Variants in ZNF883 observed in about 807,000 individuals in gnomAD.
ZNF883 encodes the protein zinc finger protein 883.
downstream of ZNF883, among the ~76,000 whole-genome samples, chr9:112,995,522 CTCTT>C (rs1828343184): frequency 6.6e-6 from 1 of 151,682 alleles, no homozygotes; most frequent in African/African-American, 2.4e-5. Context: ...TCCTCTCTCT[CTCTT>C]TCCTACTTTC....
downstream of ZNF883, among the ~76,000 whole-genome samples, chr9:112,994,591 TC>T (rs1244338846): frequency 6.6e-6 from 1 of 152,212 alleles, no homozygotes; most frequent in Non-Finnish European, 1.5e-5. Flanking sequence ...TTCCAATTTT[TC>T]CCAATCAGTT....
chr9:113,006,439 G>A (rs1828477165), intron 2 of ZNF883, among the ~76,000 whole-genome samples: 1 of 152,162 alleles, frequency 6.6e-6, no homozygotes, highest in African/African-American at 2.4e-5. Context: ...TGCCTATGGA[G>A]TAGCCACCCT....
intron 1 of ZNF883, among the ~76,000 whole-genome samples, chr9:112,989,727 C>T (rs895379507): frequency 4.6e-5 from 7 of 152,136 alleles, no homozygotes; most frequent in South Asian, 2.1e-4. Flanking sequence ...GCCATTTTCA[C>T]GATATTGATT....
At chr9:112,995,808 A>G (rs74943821), downstream of ZNF883, among the ~76,000 whole-genome samples, 193 of 152,232 alleles carry the variant, frequency 1.3e-3, 9 homozygotes, top group East Asian at 0.034. Flanking sequence ...AGATTTCCTA[A>G]TGATTGACTT....
upstream of ZNF883, among the ~76,000 whole-genome samples, chr9:113,002,846 T>TA (rs1256284347): frequency 6.6e-6 from 1 of 152,112 alleles, no homozygotes; most frequent in East Asian, 1.9e-4. Flanking sequence ...AAGGACCTTA[T>TA]AAAAAGGCTT....
At chr9:113,010,953 C>G (rs1252880745) in intron 2 of ZNF883, among the ~76,000 whole-genome samples, 188 bp downstream of exon 2, 1 of 147,770 alleles carries the variant, frequency 6.8e-6, no homozygotes, top group Non-Finnish European at 1.5e-5. Flanking sequence ...GCACTGCACT[C>G]CAGCCTGGGC....
chr9:113,000,739 A>T (rs1218445851), upstream of ZNF883, among the ~76,000 whole-genome samples: 2 of 152,114 alleles, frequency 1.3e-5, no homozygotes, highest in Non-Finnish European at 2.9e-5. Context: ...CACCATATTG[A>T]GGTTAAAGTG....
chr9:112,999,806 T>C (rs907573611), upstream of ZNF883: 5 of 152,348 alleles, frequency 3.3e-5, no homozygotes, highest in East Asian at 9.6e-4. Flanking sequence ...CCTTGATGTG[T>C]AGACCAATCT....
At chr9:112,996,499 G>C (rs1054593511), downstream of ZNF883, among the ~76,000 whole-genome samples, 9 of 152,064 alleles carry the variant, frequency 5.9e-5, no homozygotes, top group African/African-American at 1.7e-4. Flanking sequence ...TAATTCAAAA[G>C]GTTTTTTTAT....
intron 2 of ZNF883, among the ~76,000 whole-genome samples, chr9:113,008,106 A>G: frequency 6.6e-6 from 1 of 152,354 alleles, no homozygotes. Flanking sequence ...TTTAATGATT[A>G]TCATAAGAAT....
At chr9:112,989,231 T>C (rs1828280122) in intron 1 of ZNF883, among the ~76,000 whole-genome samples, 1 of 152,226 alleles carries the variant, frequency 6.6e-6, no homozygotes, top group Non-Finnish European at 1.5e-5. Flanking sequence ...ATATTGCCTA[T>C]ATTTTCTTCT....
chr9:112,996,887 T>C (rs1309157870), downstream of ZNF883, among the ~76,000 whole-genome samples: 5 of 151,166 alleles, frequency 3.3e-5, no homozygotes, highest in African/African-American at 4.9e-5. Context: ...TTTCTAAATG[T>C]CTTTAAAAAA....
chr9:113,010,954 C>T (rs1031216622), intron 2 of ZNF883, among the ~76,000 whole-genome samples, 187 bp downstream of exon 2: 2 of 146,186 alleles, frequency 1.4e-5, no homozygotes, highest in African/African-American at 5.1e-5. Flanking sequence ...CACTGCACTC[C>T]AGCCTGGGCA....
downstream of ZNF883, among the ~76,000 whole-genome samples, chr9:112,994,726 A>C (rs908961198): frequency 1.3e-5 from 2 of 151,628 alleles, no homozygotes; most frequent in African/African-American, 4.8e-5. Context: ...TCTTTCTACT[A>C]TCTTTTCTAT....
intron 2 of ZNF883, among the ~76,000 whole-genome samples, chr9:113,006,582 T>C (rs941846747): frequency 2.6e-5 from 4 of 152,186 alleles, no homozygotes; most frequent in African/African-American, 9.7e-5. Context: ...CCTTGTGATA[T>C]ATCTGTAACA....
At chr9:112,997,844 G>A (rs759091765) in exon 1 of ZNF883, 1 of 1,613,100 alleles carries the variant, frequency 6.2e-7, no homozygotes, top group Non-Finnish European at 8.5e-7. Flanking sequence ...TTGAGTAAGG[G>A]CAGAGATATG....
At chr9:113,010,169 T>A (rs928293492) in intron 2 of ZNF883, among the ~76,000 whole-genome samples, 1 of 152,158 alleles carries the variant, frequency 6.6e-6, no homozygotes, top group Non-Finnish European at 1.5e-5. Context: ...CAATGAATAT[T>A]TATTCAGTGA....
intron 1 of ZNF883, among the ~76,000 whole-genome samples, chr9:113,011,452 T>C (rs1828538133): frequency 6.6e-6 from 1 of 152,206 alleles, no homozygotes; most frequent in Non-Finnish European, 1.5e-5. Flanking sequence ...CCATGATGGG[T>C]GGCACCGAGT....
At chr9:112,997,064 T>G (rs1828365634), downstream of ZNF883, 1 of 1,467,120 alleles carries the variant, frequency 6.8e-7, no homozygotes, top group Admixed American at 2.6e-5. Context: ...GCTTGAACTG[T>G]GAGTGCTCAG....
Sources: gnomAD v4.1 joint callset for allele counts (sites outside exome capture counted in the v4.1 genomes callset) on GRCh38, gnomAD v4.1.1 for gene constraint, MANE v1.5 for transcripts, NCBI Gene and HGNC (gene_info 2026-07-23, HGNC 2026-07-21) for gene names.